TRAK1: variants seen among roughly 807,000 people sequenced by gnomAD.
TRAK1 encodes the protein trafficking kinesin-binding protein 1.
In TRAK1, 33 loss-of-function variants were observed where a neutral mutation model predicts 92.1. The observed-to-expected ratio is 0.36, with a 90% CI of 0.27 to 0.48. TRAK1 has a LOEUF of 0.48. TRAK1 is among the 20% of genes least tolerant of loss of function. The pLI is 0.99. For synonymous variants in TRAK1, 521 were observed against 517.3 expected (o/e 1.01, Z -0.10); for missense variants, 1,123 against 1,257.9 (o/e 0.89, Z 1.62).
chr3:42,135,929 G>A (rs1354850895), intron 2 of TRAK1, among the ~76,000 whole-genome samples: 2 of 152,152 alleles, frequency 1.3e-5, no homozygotes, highest in Non-Finnish European at 2.9e-5. Context: ...CCTCACACTA[G>A]CTGTTCTTAC....
At chr3:42,047,359 G>A (rs1163468397) in intron 1 of TRAK1, among the ~76,000 whole-genome samples, 2 of 148,852 alleles carry the variant, frequency 1.3e-5, no homozygotes, top group African/African-American at 2.6e-5. Flanking sequence ...CTGTGCCCGG[G>A]TGATTTTTTT....
chr3:42,033,826 C>T (rs775137062), intron 1 of TRAK1, among the ~76,000 whole-genome samples: 10 of 152,292 alleles, frequency 6.6e-5, no homozygotes, highest in Non-Finnish European at 8.8e-5. Context: ...TTTTTCCTCC[C>T]TCTACTCCCA....
intron 1 of TRAK1, among the ~76,000 whole-genome samples, chr3:42,115,006 C>T (rs568888060): frequency 1.2e-4 from 18 of 152,294 alleles, no homozygotes; most frequent in African/African-American, 3.8e-4. Flanking sequence ...AGCCACTGTG[C>T]CCAGCCAACA....
At chr3:42,068,134 T>C (rs747053973) in intron 1 of TRAK1, among the ~76,000 whole-genome samples, 4 of 151,316 alleles carry the variant, frequency 2.6e-5, no homozygotes, top group Non-Finnish European at 4.4e-5. Context: ...CACTCCAGCA[T>C]GGGCAAGAGA....
chr3:42,056,340 A>G (rs1436399682), intron 1 of TRAK1, among the ~76,000 whole-genome samples: 2 of 152,176 alleles, frequency 1.3e-5, no homozygotes, highest in African/African-American at 2.4e-5. Context: ...GTCCTTGCCA[A>G]TGCTTGTTAT....
At chr3:42,081,526 A>T (rs1019091898) in intron 1 of TRAK1, among the ~76,000 whole-genome samples, 1 of 152,152 alleles carries the variant, frequency 6.6e-6, no homozygotes, top group Non-Finnish European at 1.5e-5. Context: ...GGAGCACACA[A>T]TTTTTTGGGG....
At chr3:42,086,601 G>C (rs1422832298), upstream of TRAK1, among the ~76,000 whole-genome samples, 1 of 152,092 alleles carries the variant, frequency 6.6e-6, no homozygotes, top group Non-Finnish European at 1.5e-5. Context: ...ACAGGAGTGA[G>C]TCACCGTGTC....
intron 1 of TRAK1, among the ~76,000 whole-genome samples, chr3:42,060,302 G>A (rs1703374190): frequency 8.8e-6 from 1 of 113,478 alleles, no homozygotes; most frequent in African/African-American, 3.4e-5. Context: ...GTTAAGATAT[G>A]AAAAAAGACA....
At chr3:42,164,801 C>A (rs912617195) in intron 2 of TRAK1, among the ~76,000 whole-genome samples, 1 of 152,138 alleles carries the variant, frequency 6.6e-6, no homozygotes, top group East Asian at 1.9e-4. Context: ...TTCTGCTTTT[C>A]GCAATCCCTC....
At chr3:42,199,084 A>G in intron 10 of TRAK1, 93 bp from the exon 11 acceptor site, 1 of 1,324,114 alleles carries the variant, frequency 7.6e-7, no homozygotes, top group Non-Finnish European at 1.1e-6. Context: ...GCCTTGGTTT[A>G]CTCTCCATGG....
At chr3:42,026,054 C>T (rs1314631721) in intron 1 of TRAK1, among the ~76,000 whole-genome samples, 7 of 151,884 alleles carry the variant, frequency 4.6e-5, no homozygotes, top group Admixed American at 4.6e-4. Flanking sequence ...CTCCCTCTGT[C>T]TCTTTCTTGC....
intron 1 of TRAK1, among the ~76,000 whole-genome samples, chr3:42,044,465 TG>T (rs1702680880): frequency 6.6e-6 from 1 of 152,134 alleles, no homozygotes; most frequent in Non-Finnish European, 1.5e-5. Context: ...CCTAGCCCAT[TG>T]TATTTTCTTG....
intron 2 of TRAK1, among the ~76,000 whole-genome samples, chr3:42,136,725 C>T (rs1307581431): frequency 6.6e-6 from 1 of 151,916 alleles, no homozygotes; most frequent in Non-Finnish European, 1.5e-5. Flanking sequence ...CTCTGTTGCC[C>T]AGGCTGGAGT....
At position 42,026,649 on chromosome 3, in the gene TRAK1, C is replaced by G. The variant is rs181337992; in HGVS notation, c.-519+12532C>G. 2.0e-5 allele frequency among the ~76,000 whole-genome samples: 3 copies of G among 151,864 alleles called. No homozygotes were observed. In the South Asian group the frequency reaches 6.2e-4, roughly 32 times the overall value. ...AAGTGATTCTCCTGCCTCAGCCTCC[C>G]GAGTAGCTGAGACTACAGGCACGTG... On this transcript the variant is annotated intron_variant, in intron 1 of 16. Transcript: ENST00000487159.
chr3:42,045,552 A>G (rs922969963), intron 1 of TRAK1, among the ~76,000 whole-genome samples: 1 of 149,330 alleles, frequency 6.7e-6, no homozygotes, highest in Admixed American at 6.6e-5. Context: ...CCCAAAAAAC[A>G]TAAACCCATT....
chr3:42,189,035 TC>T lies in TRAK1; in HGVS notation c.603del (p.Ser202ProfsTer16). 3.1e-6 allele frequency: 5 copies of T among 1,613,700 alleles called. No homozygotes were observed. Among genetic ancestry groups the T allele is most frequent in the Non-Finnish European group, 4.2e-6 (5 of 1,179,598 alleles). The stretch of plus-strand genomic sequence containing the variant: ...CCCCAGGTTGAAGAGGAATGAGTCG[TC>T]CTCCTCAGTCCAGAATTACTTTCAT... ...CSTPLKRNES[S>X]SSVQNYFHLD... On this transcript the variant is annotated frameshift_variant, in exon 6 of 16. Transcript: ENST00000327628. LOFTEE classifies it high-confidence loss of function.
chr3:42,066,292 C>G (rs1238326079), intron 1 of TRAK1, among the ~76,000 whole-genome samples: 1 of 152,152 alleles, frequency 6.6e-6, no homozygotes, highest in East Asian at 1.9e-4. Context: ...TGCCACTGCA[C>G]TCCAGCCTAG....
At chr3:42,031,284 G>A (rs1038168845) in intron 1 of TRAK1, among the ~76,000 whole-genome samples, 12 of 151,728 alleles carry the variant, frequency 7.9e-5, no homozygotes, top group African/African-American at 2.4e-4. Context: ...TGATCCACCC[G>A]CCTCGACCTC....
chr3:42,218,242 G>A, intron 14 of TRAK1: 4 of 985,356 alleles, frequency 4.1e-6, no homozygotes, highest in Non-Finnish European at 4.8e-6. Context: ...TCAACTGTGT[G>A]GACCTGTAGG....
Sources: gnomAD v4.1 joint callset for allele counts (sites outside exome capture counted in the v4.1 genomes callset) on GRCh38, gnomAD v4.1.1 for gene constraint, MANE v1.5 for transcripts, NCBI Gene and HGNC (gene_info 2026-07-23, HGNC 2026-07-21) for gene names.